The following ZBTB7C variants were observed in gnomAD, a reference collection of about 807,000 sequenced individuals.
ZBTB7C encodes the protein zinc finger and BTB domain-containing protein 7C.
A neutral mutation model predicts 25.7 loss-of-function variants in ZBTB7C; 8 were observed. That is an observed-to-expected ratio of 0.31 (90% CI 0.18 to 0.56). The LOEUF (loss-of-function observed/expected upper bound fraction) is 0.56, where lower values mean the gene tolerates loss of function less well. Ranked by LOEUF, ZBTB7C falls within the 20% of genes least tolerant of loss-of-function variation. The pLI is 0.91. For synonymous variants in ZBTB7C, 394 were observed against 369.0 expected (o/e 1.07, Z -0.78); for missense variants, 824 against 855.2 (o/e 0.96, Z 0.46).
chr18:48,136,336 C>A (rs1483520329), intron 3 of ZBTB7C, among the ~76,000 whole-genome samples: 7 of 152,196 alleles, frequency 4.6e-5, no homozygotes, highest in African/African-American at 1.4e-4. Context: ...CCACTCACCC[C>A]CAGGTTGGAG....
At chr18:48,129,351 CAA>C (rs11287872) in intron 3 of ZBTB7C, among the ~76,000 whole-genome samples, 55 of 74,254 alleles carry the variant, frequency 7.4e-4, no homozygotes, top group African/African-American at 1.5e-3. Flanking sequence ...AGAGAAAGTC[CAA>C]AAAAAAAAAA....
chr18:48,039,169 G>T (rs957890313), intron 4 of ZBTB7C, among the ~76,000 whole-genome samples: 1 of 152,200 alleles, frequency 6.6e-6, no homozygotes, highest in African/African-American at 2.4e-5. Context: ...ACAGCATAAA[G>T]TTGTCCCCCT....
chr18:48,244,650 T>G (rs1189710010), intron 2 of ZBTB7C, among the ~76,000 whole-genome samples: 1 of 152,040 alleles, frequency 6.6e-6, no homozygotes, highest in Non-Finnish European at 1.5e-5. Flanking sequence ...TAGATAATTC[T>G]CAAAAGAAGA....
chr18:48,182,446 T>G (rs2041953330), intron 3 of ZBTB7C, among the ~76,000 whole-genome samples: 1 of 152,236 alleles, frequency 6.6e-6, no homozygotes, highest in Non-Finnish European at 1.5e-5. Flanking sequence ...GTGTGAGCCC[T>G]ACAGCCTGGA....
chr18:48,100,790 A>C lies in ZBTB7C; in HGVS notation c.-16-59667T>G, dbSNP rs564805608. ...CCTGGGGAATGGGGGAGGGGGAGGC[A>C]GGCTTGCCTTTGGAAAACAAGGTCG... is the stretch of plus-strand genomic sequence containing the variant. On this transcript the variant is annotated intron_variant, in intron 3 of 4. Coordinates refer to ENST00000590800, the MANE Select transcript of ZBTB7C (RefSeq NM_001318841.2). Among the ~76,000 whole-genome samples the C allele has an allele frequency of 2.8e-3, 422 of 152,266 alleles. 2 individuals are homozygous for C. The highest frequency in any genetic ancestry group is 5.2e-3 in the Non-Finnish European group (352 of 68,022).
At chr18:48,259,810 T>C (rs969133804) in intron 2 of ZBTB7C, among the ~76,000 whole-genome samples, 2 of 152,184 alleles carry the variant, frequency 1.3e-5, no homozygotes, top group Non-Finnish European at 2.9e-5. Flanking sequence ...ACCACAATGA[T>C]ATATCCCTCC....
At chr18:48,225,839 T>C (rs1272169845) in intron 2 of ZBTB7C, among the ~76,000 whole-genome samples, 4 of 152,002 alleles carry the variant, frequency 2.6e-5, no homozygotes, top group Admixed American at 1.3e-4. Flanking sequence ...ACCTCCCAGG[T>C]TCAAGTGATT....
chr18:48,058,996 G>A (rs2037025825), intron 3 of ZBTB7C, among the ~76,000 whole-genome samples: 1 of 152,130 alleles, frequency 6.6e-6, no homozygotes, highest in Admixed American at 6.5e-5. Flanking sequence ...AACCACATAG[G>A]AATCCCTGAG....
chr18:48,302,721 G>A (rs2144748813), intron 2 of ZBTB7C, among the ~76,000 whole-genome samples: 1 of 152,282 alleles, frequency 6.6e-6, no homozygotes, highest in Non-Finnish European at 1.5e-5. Flanking sequence ...CCTCCACAAA[G>A]GCCTTTCCCC....
At chr18:48,136,973 G>T in intron 3 of ZBTB7C, 6 of 973,498 alleles carry the variant, frequency 6.2e-6, no homozygotes, top group Non-Finnish European at 7.3e-6. Context: ...CCCGATCCTA[G>T]CCCAGAGGCG....
At chr18:48,094,058 C>CA (rs1331923479) in intron 3 of ZBTB7C, among the ~76,000 whole-genome samples, 3 of 151,682 alleles carry the variant, frequency 2.0e-5, no homozygotes, top group South Asian at 2.1e-4. Flanking sequence ...GACTCCATCT[C>CA]AAAAAAAAGA....
chr18:48,137,415 T>TTCC, intron 3 of ZBTB7C: 12 of 746,442 alleles, frequency 1.6e-5, no homozygotes, highest in Non-Finnish European at 2.0e-5. Context: ...TTTGTGGGTT[T>TTCC]CCCCCCACTC....
chr18:48,196,931 C>A (rs989225633), intron 2 of ZBTB7C, among the ~76,000 whole-genome samples: 6 of 152,198 alleles, frequency 3.9e-5, no homozygotes, highest in African/African-American at 1.2e-4. Context: ...AAAGAGAAAG[C>A]TAATTTCCTT....
intron 2 of ZBTB7C, among the ~76,000 whole-genome samples, chr18:48,319,821 A>G (rs966616109): frequency 1.3e-5 from 2 of 152,230 alleles, no homozygotes; most frequent in African/African-American, 4.8e-5. Context: ...GGCAGCCCAC[A>G]CACAGACCAA....
intron 3 of ZBTB7C, among the ~76,000 whole-genome samples, chr18:48,090,868 T>C (rs2038385348): frequency 6.6e-6 from 1 of 152,170 alleles, no homozygotes; most frequent in South Asian, 2.1e-4. Context: ...TTTCCTCTCT[T>C]AACTCCTGAA....
chr18:48,374,483 C>T (rs966818415), intron 1 of ZBTB7C, among the ~76,000 whole-genome samples: 2 of 152,208 alleles, frequency 1.3e-5, no homozygotes, highest in African/African-American at 4.8e-5. Flanking sequence ...TCCATTCTTC[C>T]TCATCTCTGG....
chr18:48,051,705 G>A (rs1007285096), intron 3 of ZBTB7C, among the ~76,000 whole-genome samples: 7 of 152,120 alleles, frequency 4.6e-5, no homozygotes, highest in African/African-American at 9.7e-5. Flanking sequence ...GGTTCCCTAC[G>A]GGGCTGCCTG....
Position 48,028,247 on chromosome 18 carries a change from C to G in ZBTB7C, c.*1013G>C, listed in dbSNP as rs1224194128. On this transcript the variant is annotated 3_prime_UTR_variant, in exon 5 of 5. Transcript: ENST00000590800. ...GCCCTGAGAGCCCCAAGACACTGCA[C>G]AGCCTTGGAGGGGGCACTGGAGATG... The G allele has an allele frequency of 1.3e-5, 2 of 152,258 alleles. No individual in the cohort carries two copies. The highest frequency in any genetic ancestry group is 4.8e-5 in the African/African-American group (2 of 41,428). 9.4% of individuals were successfully genotyped at this position (152,258 alleles called of 1,614,324 possible). A position where few individuals can be genotyped will look rare whatever the true frequency, so the allele number is the denominator to read the frequency against.
At chr18:48,226,276 G>A (rs1302424345) in intron 2 of ZBTB7C, among the ~76,000 whole-genome samples, 1 of 152,188 alleles carries the variant, frequency 6.6e-6, no homozygotes, top group African/African-American at 2.4e-5. Flanking sequence ...CTTCATCCAG[G>A]AAACACCTCC....
Sources: gnomAD v4.1 joint callset for allele counts (sites outside exome capture counted in the v4.1 genomes callset) on GRCh38, gnomAD v4.1.1 for gene constraint, MANE v1.5 for transcripts, NCBI Gene and HGNC (gene_info 2026-07-23, HGNC 2026-07-21) for gene names.